The following RASAL1 variants were observed in gnomAD, a reference collection of about 807,000 sequenced individuals.
RASAL1 encodes the protein RAS protein activator like 1.
In RASAL1, 72 loss-of-function variants were observed where a neutral mutation model predicts 96.6. That is an observed-to-expected ratio of 0.75 (90% CI 0.62 to 0.91). RASAL1 has a LOEUF of 0.91. Ranked by LOEUF, RASAL1 falls within the 40% of genes least tolerant of loss-of-function variation. RASAL1 has a pLI of 0.00. For synonymous variants in RASAL1, 405 were observed against 430.4 expected (o/e 0.94, Z 0.73); for missense variants, 1,016 against 1,072.5 (o/e 0.95, Z 0.74).
intron 2 of RASAL1, among the ~76,000 whole-genome samples, chr12:113,128,706 G>A (rs1363378212): frequency 6.6e-6 from 1 of 152,110 alleles, no homozygotes; most frequent in Non-Finnish European, 1.5e-5. Flanking sequence ...GCCAGAGACA[G>A]AGACACATTT....
intron 4 of RASAL1, among the ~76,000 whole-genome samples, chr12:113,123,969 C>T (rs1951392221): frequency 6.6e-6 from 1 of 151,554 alleles, no homozygotes. Context: ...CCTGTAATCC[C>T]AAAAGTTTGG....
rs1034838079 is a variant in RASAL1, at chr12:113,114,211, G to A, written c.1181+589C>T. ...GATTATGCCAGGCACGGTTGTTCAC[G>A]CCTGTAATCCCAGCACTTCGGGAGA... is the stretch of plus-strand genomic sequence containing the variant. On this transcript the variant is annotated intron_variant, in intron 12 of 20. Coordinates refer to ENST00000548055, the MANE Select transcript of RASAL1 (RefSeq NM_001301202.2). 3.9e-5 allele frequency among the ~76,000 whole-genome samples: 6 copies of A among 152,098 alleles called. No homozygotes were observed. The East Asian group carries it at 9.6e-4, about 24-fold the overall frequency.
At chr12:113,103,855 C>A (rs780424797) in intron 18 of RASAL1, 91 bp downstream of exon 18, 12 of 1,522,320 alleles carry the variant, frequency 7.9e-6, no homozygotes, top group Non-Finnish European at 1.1e-5. Context: ...GTAACTTGCC[C>A]AAGGTTGCAC....
intron 5 of RASAL1, 79 bp downstream of exon 5, chr12:113,121,430 C>A: frequency 1.3e-6 from 2 of 1,583,124 alleles, no homozygotes; most frequent in Non-Finnish European, 1.7e-6. Flanking sequence ...AGGTCCCAAA[C>A]GCCAGGCAGC....
In RASAL1 at chr12:113,115,088, G is replaced by A. The variant is rs974602816; in HGVS notation, c.1068+112C>T. The A allele has an allele frequency of 1.6e-4, 199 of 1,242,064 alleles. No individual in the cohort carries two copies. In the Admixed American group the frequency reaches 3.4e-3, roughly 21 times the overall value. The allele number at this position is 1,242,064 out of a possible 1,614,324, so 76.9% of individuals were successfully genotyped here. On this transcript the variant is annotated intron_variant, in intron 11 of 20. Transcript: ENST00000548055. The surrounding 1 kb of genome is among the most constrained non-coding windows in gnomAD (Gnocchi z 4.1). ...CCGGGCACCAGCCGCCAGCACTGCA[G>A]CTCGGCTGCTCAGTGCTGTCTGAAG...
In RASAL1 at chr12:113,107,124, G is replaced by A. The variant is rs61759863; in HGVS notation, c.1630C>T (p.Arg544Trp). The A allele has an allele frequency of 1.6e-4, 254 of 1,612,980 alleles. No homozygotes were observed. Among genetic ancestry groups the A allele is most frequent in the Non-Finnish European group, 2.0e-4 (236 of 1,179,432 alleles). Residue 544 changes from arginine (R) to tryptophan (W), a missense_variant, in exon 15 of 21, where the codon CGG (arginine) becomes TGG (tryptophan). Transcript: ENST00000548055. ...TCATCCCCATCCACATCCACCAGCC[G>A]GTCCAGGAAGTCTCTCACACGTGAG... ...CVSRVRDFLDRLVDVDGDEEA... is the reference protein window; with the variant it reads ...CVSRVRDFLDWLVDVDGDEEA...
intron 4 of RASAL1, among the ~76,000 whole-genome samples, chr12:113,123,203 C>T (rs1404292042): frequency 2.0e-5 from 3 of 152,138 alleles, no homozygotes; most frequent in South Asian, 2.1e-4. Flanking sequence ...TTAAAAATCC[C>T]GTATATTATA....
Position 113,112,054 on chromosome 12 carries a change from G to T in RASAL1, c.1374+32C>A, listed in dbSNP as rs1194890169. 5 of 1,234,712 alleles carry T rather than the reference G, an allele frequency of 4.0e-6. No homozygotes were observed. The African/African-American group carries it at 6.2e-5, about 15-fold the overall frequency. 76.5% of individuals were successfully genotyped at this position (1,234,712 alleles called of 1,614,324 possible). On this transcript the variant is annotated intron_variant, in intron 13 of 20. Coordinates refer to ENST00000548055, the MANE Select transcript of RASAL1 (RefSeq NM_001301202.2). ...AGTGACCCCGGACAAGCTCCGGCCT[G>T]TCCCCAGCCTCAGCCTCCCATCCTG...
Position 113,102,815 on chromosome 12 carries a change from C to T in RASAL1, c.2105-806G>A, listed in dbSNP as rs564191645. ...GCTCCCCAGACTCTAGCAGTAGCCTCGCCTCTCCCGGTACTCCTCCCTCAT... is the reference window on the plus strand; with the variant it reads ...GCTCCCCAGACTCTAGCAGTAGCCTTGCCTCTCCCGGTACTCCTCCCTCAT... On this transcript the variant is annotated intron_variant, in intron 18 of 20. Coordinates refer to ENST00000548055, the MANE Select transcript of RASAL1 (RefSeq NM_001301202.2). 146 of 154,308 alleles carry T rather than the reference C, an allele frequency of 9.5e-4. 1 individual carries two copies. The highest frequency in any genetic ancestry group is 3.8e-4 in the East Asian group (2 of 5,216). 9.6% of individuals were successfully genotyped at this position (154,308 alleles called of 1,614,324 possible).
chr12:113,101,022 C>G (rs1470971789), intron 19 of RASAL1, among the ~76,000 whole-genome samples: 1 of 152,218 alleles, frequency 6.6e-6, no homozygotes, highest in Non-Finnish European at 1.5e-5. Context: ...TGAAAGCTAA[C>G]TATCTGGCCA....
At chr12:113,100,774 C>T in intron 19 of RASAL1, 94 bp from the exon 20 acceptor site, 1 of 891,212 alleles carries the variant, frequency 1.1e-6, no homozygotes, top group Non-Finnish European at 1.8e-6. Context: ...TTTTCCTGAA[C>T]CATCACCATC....
At chr12:113,102,536 C>A (rs1327006938) in intron 18 of RASAL1, among the ~76,000 whole-genome samples, 1 of 152,108 alleles carries the variant, frequency 6.6e-6, no homozygotes, top group Non-Finnish European at 1.5e-5. Flanking sequence ...CTAGCCTGGG[C>A]AAAAGGGTGA....
Position 113,099,809 on chromosome 12 carries a change from G to T in RASAL1, c.*120C>A. ...GGCACACAGGACTAGGCACGTCTCT[G>T]GGAGCCTCCAAACCACAGAATCAAA... On this transcript the variant is annotated 3_prime_UTR_variant, in exon 21 of 21. Coordinates refer to ENST00000548055, the MANE Select transcript of RASAL1 (RefSeq NM_001301202.2). The T allele has an allele frequency of 7.1e-7, 1 of 1,411,192 alleles. No individual in the cohort carries two copies. The highest frequency in any genetic ancestry group is 9.6e-7 in the Non-Finnish European group (1 of 1,044,380). The allele number at this position is 1,411,192 out of a possible 1,614,324, so 87.4% of individuals were successfully genotyped here.
chr12:113,114,604 G>A (rs775322405), intron 12 of RASAL1, among the ~76,000 whole-genome samples, 196 bp downstream of exon 12: 8 of 152,226 alleles, frequency 5.3e-5, no homozygotes, highest in Non-Finnish European at 1.0e-4. Context: ...TAGCATCAGA[G>A]TCCTGACCAT....
intron 4 of RASAL1, among the ~76,000 whole-genome samples, chr12:113,123,724 C>T (rs1302443231): frequency 6.6e-6 from 1 of 152,178 alleles, no homozygotes; most frequent in Non-Finnish European, 1.5e-5. Context: ...GCAAGGATTA[C>T]AGGCACCTGC....
intron 4 of RASAL1, among the ~76,000 whole-genome samples, chr12:113,127,011 A>G (rs1195944798): frequency 1.3e-5 from 2 of 148,734 alleles, no homozygotes; most frequent in African/African-American, 4.9e-5. Flanking sequence ...TTATATGTTT[A>G]TATTTATATA....
At chr12:113,118,957 AC>A (rs1228206722) in intron 7 of RASAL1, among the ~76,000 whole-genome samples, 170 bp downstream of exon 7, 1 of 152,028 alleles carries the variant, frequency 6.6e-6, no homozygotes, top group Non-Finnish European at 1.5e-5. Flanking sequence ...CAGTTTCCTC[AC>A]CTGTACAACA....
At chr12:113,128,269 CA>C in intron 2 of RASAL1, 91 bp from the exon 3 acceptor site, 1 of 748,836 alleles carries the variant, frequency 1.3e-6, no homozygotes, top group Non-Finnish European at 2.3e-6. Flanking sequence ...CACACACACA[CA>C]CACACACACA....
chr12:113,108,558 A>G (rs1044884985), intron 13 of RASAL1, among the ~76,000 whole-genome samples: 9 of 152,258 alleles, frequency 5.9e-5, no homozygotes, highest in African/African-American at 2.2e-4. Flanking sequence ...GCTCAGAGAC[A>G]TCAAGCGATT....
Sources: allele counts gnomAD v4.1 joint callset (sites outside exome capture counted in the v4.1 genomes callset), GRCh38; gene constraint gnomAD v4.1.1; non-coding constraint Gnocchi (gnomAD v3.1); transcripts MANE v1.5; gene names NCBI Gene and HGNC (gene_info 2026-07-23, HGNC 2026-07-21).